ATXN7L2: variants seen among roughly 807,000 people sequenced by gnomAD.
ATXN7L2 encodes the protein ataxin-7-like protein 2.
In ATXN7L2, 17 loss-of-function variants were observed where a neutral mutation model predicts 59.6. The observed-to-expected ratio is 0.29, with a 90% CI of 0.20 to 0.43. The LOEUF (loss-of-function observed/expected upper bound fraction) is 0.43, where lower values mean the gene tolerates loss of function less well. Ranked by LOEUF, ATXN7L2 falls within the 20% of genes least tolerant of loss-of-function variation. The probability of loss-of-function intolerance (pLI) is 1.00; values close to 1 mark genes in which losing one functional copy is unlikely to be tolerated. For synonymous variants in ATXN7L2, 378 were observed against 392.5 expected (o/e 0.96, Z 0.44); for missense variants, 858 against 1,008.9 (o/e 0.85, Z 2.03).
At position 109,486,429 on chromosome 1, in the gene ATXN7L2, G is replaced by T; in HGVS notation, c.194-77G>T. ...GGAGGTGAAGTGCCTTCTGAGTGTG[G>T]GGTGGGAGTGCTCTCCGATCTTCCA... On this transcript the variant is annotated intron_variant, in intron 2 of 10. Transcript: ENST00000683729. The surrounding 1 kb of genome is among the most constrained non-coding windows in gnomAD (Gnocchi z 4.3). 8.0e-7 allele frequency: 1 copy of T among 1,252,876 alleles called. No homozygotes were observed. Among genetic ancestry groups the T allele is most frequent in the Non-Finnish European group, 1.1e-6 (1 of 875,998 alleles). 77.6% of individuals were successfully genotyped at this position (1,252,876 alleles called of 1,614,324 possible).
In ATXN7L2 at chr1:109,487,750, GA is replaced by G; in HGVS notation, c.746del (p.Lys249ArgfsTer29). The G allele has an allele frequency of 6.2e-7, 1 of 1,612,260 alleles. No individual in the cohort carries two copies. The highest frequency in any genetic ancestry group is 1.3e-5 in the African/African-American group (1 of 74,926). ...TCACTGGGCTGAAGGCAGCCCTCCT[GA>G]AAAGGAGCCCAGTGGGACCAGGCTG... ...SSHWAEGSPP[E>X]KEPSGTRLPP... On this transcript the variant is annotated frameshift_variant, in exon 5 of 11. Coordinates refer to ENST00000683729, the MANE Select transcript of ATXN7L2 (RefSeq NM_001350175.2). LOFTEE classifies it high-confidence loss of function.
chr1:109,484,556 C>T (rs1290051751), intron 1 of ATXN7L2, among the ~76,000 whole-genome samples: 1 of 151,934 alleles, frequency 6.6e-6, no homozygotes, highest in Non-Finnish European at 1.5e-5. Context: ...GACCCCCGCC[C>T]TCTCCGCGTT....
intron 10 of ATXN7L2, 79 bp from the exon 11 acceptor site, chr1:109,492,507 T>C (rs1657176746): frequency 6.3e-7 from 1 of 1,575,996 alleles, no homozygotes. Context: ...TTAGCCTCTG[T>C]AGTGCACACA....
At position 109,491,971 on chromosome 1, in the gene ATXN7L2, T is replaced by C. The variant is rs1206035232; in HGVS notation, c.2250+254T>C. ...AGATGCGGCACCCCTCCACCCCTGC[T>C]TTTGCTATAATCAAAGGGCTACTTC... On this transcript the variant is annotated intron_variant, in intron 10 of 10. Transcript: ENST00000683729. This position sits in a 1 kb window ranked among gnomAD's most constrained non-coding sequence, Gnocchi z 4.1. 3.9e-6 allele frequency: 5 copies of C among 1,269,804 alleles called. No individual in the cohort carries two copies. Among genetic ancestry groups the C allele is most frequent in the Non-Finnish European group, 5.0e-6 (5 of 999,522 alleles). 78.7% of individuals were successfully genotyped at this position (1,269,804 alleles called of 1,614,324 possible).
At chr1:109,485,455 A>G in intron 1 of ATXN7L2, 1 of 985,410 alleles carries the variant, frequency 1.0e-6, no homozygotes, top group Non-Finnish European at 1.2e-6. Flanking sequence ...CTGCTCTGTG[A>G]CCATCCTATC....
In ATXN7L2 at chr1:109,487,592, C is replaced by T; in HGVS notation, c.584C>T (p.Ala195Val). Residue 195 changes from alanine to valine, a missense_variant, in exon 5 of 11, where the codon GCC (alanine) becomes GTC (valine). Ala to Val is a moderately conservative substitution (Grantham distance 64). Transcript: ENST00000683729. The stretch of plus-strand genomic sequence containing the variant: ...CCTGATGGACATGGAATCAGGGTGG[C>T]CCCACCCTCTGCTTTTCTCAGCCAG... ...PKPDGHGIRV[A>V]PPSAFLSQPG... The T allele has an allele frequency of 2.5e-6, 4 of 1,570,994 alleles. No individual in the cohort carries two copies. The South Asian group carries it at 4.7e-5, about 19-fold the overall frequency.
intron 1 of ATXN7L2, 79 bp from the exon 2 acceptor site, chr1:109,485,978 A>G: frequency 7.0e-7 from 1 of 1,433,170 alleles, no homozygotes; most frequent in South Asian, 1.6e-5. Context: ...GTCTTCTGGG[A>G]AGAACAGTCT....
chr1:109,486,172 G>A lies in ATXN7L2; in HGVS notation c.193+50G>A, dbSNP rs780853049. The A allele has an allele frequency of 9.9e-6, 15 of 1,513,242 alleles. No individual in the cohort carries two copies. The African/African-American group carries it at 1.7e-4, about 17-fold the overall frequency. The allele number at this position is 1,513,242 out of a possible 1,614,324, so 93.7% of individuals were successfully genotyped here. On this transcript the variant is annotated intron_variant, in intron 2 of 10. Transcript: ENST00000683729. This position sits in a 1 kb window ranked among gnomAD's most constrained non-coding sequence, Gnocchi z 4.3. The stretch of plus-strand genomic sequence containing the variant: ...TGGGACCCAGGGCAGACAGGACCAC[G>A]CTCCACTTTTCCACCACACTACAGA...
chr1:109,491,967 C>A lies in ATXN7L2; in HGVS notation c.2250+250C>A. On this transcript the variant is annotated intron_variant, in intron 10 of 10. Coordinates refer to ENST00000683729, the MANE Select transcript of ATXN7L2 (RefSeq NM_001350175.2). This position sits in a 1 kb window ranked among gnomAD's most constrained non-coding sequence, Gnocchi z 4.1. Reference sequence around the variant, plus strand: ...GAGGAGATGCGGCACCCCTCCACCCCTGCTTTTGCTATAATCAAAGGGCTA... The same window carrying A: ...GAGGAGATGCGGCACCCCTCCACCCATGCTTTTGCTATAATCAAAGGGCTA... 1 of 1,268,628 alleles carries A rather than the reference C, an allele frequency of 7.9e-7. No individual in the cohort carries two copies. The highest frequency in any genetic ancestry group is 1.0e-6 in the Non-Finnish European group (1 of 996,842). The allele number at this position is 1,268,628 out of a possible 1,614,324, so 78.6% of individuals were successfully genotyped here.
rs376026120 is a variant in ATXN7L2 at position 109,491,737 on chromosome 1, A to T, written c.2250+20A>T. 33 of 1,564,188 alleles carry T rather than the reference A, an allele frequency of 2.1e-5. No individual in the cohort carries two copies. In the African/African-American group the frequency reaches 4.3e-4, roughly 21 times the overall value. On this transcript the variant is annotated intron_variant, in intron 10 of 10. Transcript: ENST00000683729. This position sits in a 1 kb window ranked among gnomAD's most constrained non-coding sequence, Gnocchi z 4.1. Reference sequence around the variant, plus strand: ...CTGAAGGTACCAGCCAGGCTCCCTGAAGATTGATGAGGGTGGGGCACACAG... The same window carrying T: ...CTGAAGGTACCAGCCAGGCTCCCTGTAGATTGATGAGGGTGGGGCACACAG...
rs1457806524 is a variant in ATXN7L2 at position 109,483,993 on chromosome 1, C to T, written c.40C>T (p.Leu14=). ...RERAAAAMAA[L]ERRVPSLDDF... is the part of the protein sequence containing the mutation. ...ACGCGCGGCGGCAGCAATGGCCGCT[C>T]TGGAGCGGCGGGTGCCGAGTCTCGA... The change falls in exon 1 of 11, where the codon CTG becomes TTG. Residue 14 remains leucine, a synonymous_variant. Transcript: ENST00000683729. The T allele has an allele frequency of 3.5e-6, 5 of 1,424,348 alleles. No homozygotes were observed. Among genetic ancestry groups the T allele is most frequent in the African/African-American group, 2.9e-5 (2 of 68,796 alleles). The allele number at this position is 1,424,348 out of a possible 1,614,324, so 88.2% of individuals were successfully genotyped here. A position where few individuals can be genotyped will look rare whatever the true frequency, so the allele number is the denominator to read the frequency against.
Position 109,491,034 on chromosome 1 carries a change from A to G in ATXN7L2, c.1567A>G (p.Arg523Gly), listed in dbSNP as rs1451695250. 6.2e-7 allele frequency: 1 copy of G among 1,613,702 alleles called. No individual in the cohort carries two copies. Among genetic ancestry groups the G allele is most frequent in the Admixed American group, 1.7e-5 (1 of 60,016 alleles). Residue 523 changes from arginine (R) to glycine (G), a missense_variant, in exon 10 of 11, where the codon AGA becomes GGA. Around this residue, in one of 3 missense-constraint regions of ATXN7L2, gnomAD observed 734 missense variants for 862.3 expected, o/e 0.85. Coordinates refer to ENST00000683729, the MANE Select transcript of ATXN7L2 (RefSeq NM_001350175.2). The surrounding 1 kb of genome is among the most constrained non-coding windows in gnomAD (Gnocchi z 4.1). ...CCCCCGCCTTCCAGGTCCAACCCTG[A>G]GACCTGCCTGCCCAGCCTCCATGCC... ...TCPRLPGPTL[R>G]PACPASMPPT...
intron 4 of ATXN7L2, 131 bp from the exon 5 acceptor site, chr1:109,487,387 C>A: frequency 8.4e-7 from 1 of 1,192,416 alleles, no homozygotes; most frequent in Non-Finnish European, 1.1e-6. Context: ...CTCCTCTTCC[C>A]GTGTTTCACA....
chr1:109,487,978 CAT>C (rs1656723189), intron 5 of ATXN7L2, among the ~76,000 whole-genome samples, 174 bp downstream of exon 5: 1 of 152,202 alleles, frequency 6.6e-6, no homozygotes, highest in African/African-American at 2.4e-5. Flanking sequence ...AGCTTCTCTC[CAT>C]CCTGTGTCTC....
At chr1:109,487,310 C>G (rs1656662591) in intron 4 of ATXN7L2, 93 bp downstream of exon 4, 9 of 1,287,530 alleles carry the variant, frequency 7.0e-6, no homozygotes, top group East Asian at 2.7e-5. Flanking sequence ...TCAAGGCATA[C>G]TCCTCACAGC....
Position 109,491,676 on chromosome 1 carries a change from G to A in ATXN7L2, c.2209G>A (p.Gly737Ser). 6.2e-7 allele frequency: 1 copy of A among 1,609,628 alleles called. No homozygotes were observed. The highest frequency in any genetic ancestry group is 8.5e-7 in the Non-Finnish European group (1 of 1,177,748). ...VACSVRRKKP[G>S]PALAFEEKCS... ...CTGCTCTGTGCGCCGCAAGAAGCCAGGCCCGGCCCTGGCCTTTGAGGAGAA... is the reference window on the plus strand; with the variant it reads ...CTGCTCTGTGCGCCGCAAGAAGCCAAGCCCGGCCCTGGCCTTTGAGGAGAA... Residue 737 changes from glycine to serine, a missense_variant, in exon 10 of 11, where the codon GGC (glycine) becomes AGC (serine). By Grantham distance (56) the Gly-to-Ser change is moderately conservative. Coordinates refer to ENST00000683729, the MANE Select transcript of ATXN7L2 (RefSeq NM_001350175.2). This position sits in a 1 kb window ranked among gnomAD's most constrained non-coding sequence, Gnocchi z 4.1.
At chr1:109,489,348 C>T in intron 7 of ATXN7L2, 3 of 548,390 alleles carry the variant, frequency 5.5e-6, no homozygotes, top group Non-Finnish European at 9.5e-6. Context: ...TGAACATTTT[C>T]CCAGCTGCCT....
At position 109,490,948 on chromosome 1, in the gene ATXN7L2, C is replaced by T. The variant is rs1202944721; in HGVS notation, c.1481C>T (p.Pro494Leu). The T allele has an allele frequency of 1.3e-5, 20 of 1,569,584 alleles. 1 individual carries two copies. In the South Asian group the frequency reaches 2.2e-4, roughly 17 times the overall value. ...WKKIPPAAEP[P>L]AHLVNSPLSA... ...AAGATCCCACCGGCAGCTGAACCTC[C>T]AGCTCACCTTGTCAACTCCCCGTTA... Residue 494 changes from proline (P) to leucine (L), a missense_variant, in exon 10 of 11, where the codon CCA (proline) becomes CTA (leucine). Physicochemically the swap from Pro to Leu is moderately conservative, Grantham distance 98 (BLOSUM62 -3). Coordinates refer to ENST00000683729, the MANE Select transcript of ATXN7L2 (RefSeq NM_001350175.2).
rs1330784713 is a variant in ATXN7L2 at position 109,486,959 on chromosome 1, G to T, written c.299-48G>T. On this transcript the variant is annotated intron_variant, in intron 3 of 10. Coordinates refer to ENST00000683729, the MANE Select transcript of ATXN7L2 (RefSeq NM_001350175.2). The surrounding 1 kb of genome is among the most constrained non-coding windows in gnomAD (Gnocchi z 4.3). Reference sequence around the variant, plus strand: ...GGACATGGTTAGGTTGGGGAAGGAAGTGGTGATACCACTCACCTTGATTAT... The same window carrying T: ...GGACATGGTTAGGTTGGGGAAGGAATTGGTGATACCACTCACCTTGATTAT... The T allele has an allele frequency of 6.8e-7, 1 of 1,469,222 alleles. No homozygotes were observed. Among genetic ancestry groups the T allele is most frequent in the Non-Finnish European group, 9.2e-7 (1 of 1,090,790 alleles). The allele number at this position is 1,469,222 out of a possible 1,614,324, so 91.0% of individuals were successfully genotyped here. A position where few individuals can be genotyped will look rare whatever the true frequency, so the allele number is the denominator to read the frequency against.
Sources: gnomAD v4.1 joint callset for allele counts (sites outside exome capture counted in the v4.1 genomes callset) on GRCh38, gnomAD v4.1.1 for gene constraint, gnomAD v4.1.1 regional missense constraint, Gnocchi (gnomAD v3.1) non-coding constraint, MANE v1.5 for transcripts, NCBI Gene and HGNC (gene_info 2026-07-23, HGNC 2026-07-21) for gene names.